BMPR1A: variants seen among roughly 807,000 people sequenced by gnomAD.
The protein encoded by BMPR1A is bone morphogenetic protein receptor type-1A.
Under a neutral mutation model 66.0 loss-of-function variants are expected in BMPR1A, and 7 were observed. The observed-to-expected ratio is 0.11, with a 90% confidence interval of 0.06 to 0.20. The LOEUF (loss-of-function observed/expected upper bound fraction) is 0.20. BMPR1A is among the 10% of genes least tolerant of loss of function. BMPR1A has a pLI of 1.00. For missense variants in BMPR1A, 408 were observed against 669.1 expected (o/e 0.61, Z 4.31); for synonymous variants, 200 against 229.7 (o/e 0.87, Z 1.17).
rs117562100 is a variant in BMPR1A, at chr10:86,881,442, T to G, written c.67+5357T>G. Among the ~76,000 whole-genome samples the G allele has an allele frequency of 8.7e-3, 1,318 of 152,252 alleles. 26 individuals are homozygous for G. Among genetic ancestry groups the G allele is most frequent in the South Asian group, 0.079 (383 of 4,820 alleles). ...GTCATAAAAAAGAGAAATGATAGGA[T>G]TAGATACATTATTTTATACTATGCC... On this transcript the variant is annotated intron_variant, in intron 3 of 12. Transcript: ENST00000372037.
At chr10:86,783,962 A>C in intron 1 of BMPR1A, among the ~76,000 whole-genome samples, 1 of 152,052 alleles carries the variant, frequency 6.6e-6, no homozygotes, top group Non-Finnish European at 1.5e-5. Flanking sequence ...TTGTGTGTTG[A>C]CTTTGTATCC....
intron 8 of BMPR1A, 106 bp downstream of exon 8, chr10:86,912,490 A>AT (rs778333819): frequency 1.1e-5 from 15 of 1,402,032 alleles, no homozygotes; most frequent in African/African-American, 1.4e-5. Flanking sequence ...TAATGGACAC[A>AT]TTTTTTTCTC....
intron 2 of BMPR1A, among the ~76,000 whole-genome samples, chr10:86,845,297 T>G (rs1764191390): frequency 6.6e-6 from 1 of 152,216 alleles, no homozygotes; most frequent in Admixed American, 6.5e-5. Context: ...GCAGCTGGGC[T>G]TCAGCCCTGT....
At position 86,912,346 on chromosome 10, in the gene BMPR1A, T is replaced by C; in HGVS notation, c.637T>C (p.Ser213Pro). The change falls in exon 8 of 13, where the codon TCA (serine) becomes CCA (proline). Residue 213 changes from serine to proline, a missense_variant. This residue lies in a region of BMPR1A where 174 missense variants were observed against 265.1 expected (regional missense o/e 0.66). Coordinates refer to ENST00000372037, the MANE Select transcript of BMPR1A (RefSeq NM_004329.3). Reference protein sequence around the residue: ...GESLKDLIDQSQSSGSGSGLP... With the variant: ...GESLKDLIDQPQSSGSGSGLP... ...ATCACTAAAAGACCTTATTGACCAG[T>C]CACAAAGTTCTGGTAGTGGGTCTGG... The C allele has an allele frequency of 6.2e-7, 1 of 1,614,024 alleles. No individual in the cohort carries two copies. Among genetic ancestry groups the C allele is most frequent in the African/African-American group, 1.3e-5 (1 of 75,046 alleles).
chr10:86,835,569 AAAAAAAAAAAAAAAAAAAAGG>A, intron 1 of BMPR1A, among the ~76,000 whole-genome samples: 1 of 127,326 alleles, frequency 7.9e-6, no homozygotes, highest in South Asian at 2.7e-4. Flanking sequence ...AAAAAAAAAA[AAAAAAAAAAAAAAAAAAAAGG>A]TGTTTTGGCC....
intron 3 of BMPR1A, 121 bp downstream of exon 3, chr10:86,876,206 G>A (rs910204488): frequency 3.3e-6 from 3 of 904,410 alleles, no homozygotes; most frequent in Middle Eastern, 2.1e-4. Context: ...GCAGCTTTTA[G>A]GAAAGAAGCA....
At chr10:86,760,838 A>G (rs946390706) in intron 1 of BMPR1A, among the ~76,000 whole-genome samples, 1 of 152,194 alleles carries the variant, frequency 6.6e-6, no homozygotes, top group African/African-American at 2.4e-5. Context: ...CACAAGGTCC[A>G]TATTGACCAA....
chr10:86,882,229 C>A (rs544090621), intron 3 of BMPR1A, among the ~76,000 whole-genome samples: 1 of 152,008 alleles, frequency 6.6e-6, no homozygotes, highest in Non-Finnish European at 1.5e-5. Flanking sequence ...TCGAGACCAG[C>A]CTGGCCAACA....
chr10:86,910,615 T>C (rs969597880), intron 7 of BMPR1A, among the ~76,000 whole-genome samples: 1 of 152,192 alleles, frequency 6.6e-6, no homozygotes, highest in Non-Finnish European at 1.5e-5. Context: ...AGGAGGATTT[T>C]TTTTTGCCAT....
At chr10:86,901,700 C>A (rs578033925) in intron 7 of BMPR1A, among the ~76,000 whole-genome samples, 1 of 152,136 alleles carries the variant, frequency 6.6e-6, no homozygotes, top group African/African-American at 2.4e-5. Context: ...TATGCTCAAT[C>A]GGTTATTTTA....
chr10:86,790,342 A>C (rs12572182), intron 1 of BMPR1A, among the ~76,000 whole-genome samples: 40,001 of 150,116 alleles, frequency 0.27, 6,762 homozygotes, highest in East Asian at 0.69. Context: ...GAACCTCCAG[A>C]CACTATTTGT....
At chr10:86,878,455 C>G (rs1842947102) in intron 3 of BMPR1A, among the ~76,000 whole-genome samples, 1 of 152,132 alleles carries the variant, frequency 6.6e-6, no homozygotes. Flanking sequence ...TATGTAGTCC[C>G]TTTTTTGGAT....
intron 1 of BMPR1A, among the ~76,000 whole-genome samples, chr10:86,777,093 T>TTACC (rs1420764481): frequency 6.6e-6 from 1 of 152,188 alleles, no homozygotes; most frequent in East Asian, 1.9e-4. Context: ...CCTTATGTCC[T>TTACC]TACCCTTCTC....
intron 2 of BMPR1A, among the ~76,000 whole-genome samples, chr10:86,846,243 G>A (rs1176619550): frequency 6.6e-6 from 1 of 152,110 alleles, no homozygotes; most frequent in Non-Finnish European, 1.5e-5. Flanking sequence ...GCAGTAGTTA[G>A]GTCACCCTTC....
At chr10:86,851,556 A>G (rs576340109) in intron 2 of BMPR1A, among the ~76,000 whole-genome samples, 1 of 152,290 alleles carries the variant, frequency 6.6e-6, no homozygotes, top group East Asian at 1.9e-4. Flanking sequence ...AGCAGCTGTG[A>G]TGTGTGCGGG....
intron 1 of BMPR1A, among the ~76,000 whole-genome samples, chr10:86,807,060 C>A (rs1841897486): frequency 6.6e-6 from 1 of 152,194 alleles, no homozygotes; most frequent in East Asian, 1.9e-4. Context: ...CTCTAAGGAG[C>A]CCTGGTTTCT....
chr10:86,871,636 C>A (rs1842856658), intron 2 of BMPR1A, among the ~76,000 whole-genome samples: 1 of 151,996 alleles, frequency 6.6e-6, no homozygotes, highest in Non-Finnish European at 1.5e-5. Context: ...ACATGGCAAA[C>A]CCCATCTCAA....
At chr10:86,812,451 G>A (rs906631309) in intron 1 of BMPR1A, among the ~76,000 whole-genome samples, 1 of 152,140 alleles carries the variant, frequency 6.6e-6, no homozygotes, top group Non-Finnish European at 1.5e-5. Flanking sequence ...AGTTTTTGGC[G>A]ATGATGAATA....
intron 1 of BMPR1A, among the ~76,000 whole-genome samples, chr10:86,799,208 C>T (rs1841770856): frequency 6.6e-6 from 1 of 151,990 alleles, no homozygotes; most frequent in Admixed American, 6.6e-5. Context: ...TTGATGATAC[C>T]TATCAAAAGG....
Sources: gnomAD v4.1 joint callset for allele counts (sites outside exome capture counted in the v4.1 genomes callset) on GRCh38, gnomAD v4.1.1 for gene constraint, gnomAD v4.1.1 regional missense constraint, MANE v1.5 for transcripts, NCBI Gene and HGNC (gene_info 2026-07-23, HGNC 2026-07-21) for gene names.